NRG1: variants seen among roughly 807,000 people sequenced by gnomAD.
NRG1 encodes neuregulin 1, also known as pro-neuregulin-1, membrane-bound isoform.
A neutral mutation model predicts 63.8 loss-of-function variants in NRG1; 18 were observed. The ratio of observed to expected loss-of-function variants is 0.28; its 90% confidence interval spans 0.19 to 0.42. NRG1 has a LOEUF of 0.42. NRG1 is among the 10% of genes least tolerant of loss of function. The pLI is 1.00. For missense variants in NRG1, 762 were observed against 814.7 expected (o/e 0.94, Z 0.79); for synonymous variants, 302 against 301.3 (o/e 1.00, Z -0.02).
intron 6 of NRG1, among the ~76,000 whole-genome samples, chr8:32,736,929 A>G (rs1196592847): frequency 6.6e-6 from 1 of 152,230 alleles, no homozygotes; most frequent in African/African-American, 2.4e-5. Context: ...CAATTGGAAT[A>G]TAAAAAATAC....
At chr8:32,270,514 T>C (rs1188630080) in intron 1 of NRG1, among the ~76,000 whole-genome samples, 2 of 152,246 alleles carry the variant, frequency 1.3e-5, no homozygotes, top group East Asian at 3.8e-4. Flanking sequence ...CAAATTTACA[T>C]GGGTACTTGT....
chr8:32,268,686 G>A (rs1388994943), intron 1 of NRG1, among the ~76,000 whole-genome samples: 3 of 152,120 alleles, frequency 2.0e-5, no homozygotes, highest in Non-Finnish European at 2.9e-5. Context: ...TCTCTATGAG[G>A]CAGTTCCTTA....
At chr8:32,043,598 A>T (rs1174376185) in intron 1 of NRG1, among the ~76,000 whole-genome samples, 1 of 151,966 alleles carries the variant, frequency 6.6e-6, no homozygotes, top group Non-Finnish European at 1.5e-5. Context: ...CAAAAATATG[A>T]CATTGGCTGA....
chr8:32,177,330 G>C (rs1021299599), intron 1 of NRG1, among the ~76,000 whole-genome samples: 22 of 150,930 alleles, frequency 1.5e-4, no homozygotes, highest in African/African-American at 5.3e-4. Flanking sequence ...GCCTGTTGTG[G>C]GGTGGTGGGA....
intron 1 of NRG1, among the ~76,000 whole-genome samples, chr8:31,901,321 G>A (rs986231783): frequency 6.6e-6 from 1 of 152,150 alleles, no homozygotes; most frequent in East Asian, 1.9e-4. Flanking sequence ...TGGGGTCATT[G>A]CTGAGGAAAA....
intron 1 of NRG1, among the ~76,000 whole-genome samples, chr8:32,473,933 C>T (rs1824160224): frequency 6.6e-6 from 1 of 152,142 alleles, no homozygotes; most frequent in Admixed American, 6.5e-5. Context: ...AATCCTCCCA[C>T]CTCAGCTTCC....
At chr8:32,267,149 GAGAA>G (rs1293876884) in intron 1 of NRG1, among the ~76,000 whole-genome samples, 2 of 148,810 alleles carry the variant, frequency 1.3e-5, no homozygotes, top group Admixed American at 1.4e-4. Flanking sequence ...AGGAAGGAAG[GAGAA>G]AGAAGGAAGG....
At chr8:31,989,100 T>G (rs999275425) in intron 1 of NRG1, among the ~76,000 whole-genome samples, 2 of 150,228 alleles carry the variant, frequency 1.3e-5, no homozygotes, top group African/African-American at 4.9e-5. Flanking sequence ...AATACAAAAA[T>G]TAGCTGGACA....
intron 1 of NRG1, among the ~76,000 whole-genome samples, chr8:32,014,408 T>C (rs576140213): frequency 2.6e-4 from 40 of 152,288 alleles, no homozygotes; most frequent in Middle Eastern, 6.8e-3. Context: ...TTTTGTATCC[T>C]GAGACTTTGC....
chr8:31,838,549 G>C (rs538699420), intron 1 of NRG1, among the ~76,000 whole-genome samples: 16 of 152,212 alleles, frequency 1.1e-4, no homozygotes, highest in Non-Finnish European at 2.4e-4. Context: ...GAAAAGCATT[G>C]AATCTTTCTA....
intron 1 of NRG1, among the ~76,000 whole-genome samples, chr8:32,517,938 G>T (rs1402533662): frequency 6.6e-6 from 1 of 151,980 alleles, no homozygotes; most frequent in Admixed American, 6.6e-5. Context: ...CTCTAGCAAA[G>T]ATCAAATCTA....
At chr8:32,233,116 T>C (rs1204967364) in intron 1 of NRG1, among the ~76,000 whole-genome samples, 1 of 152,142 alleles carries the variant, frequency 6.6e-6, no homozygotes, top group East Asian at 1.9e-4. Context: ...GTAGTAGTAT[T>C]TTGGAGACAG....
At chr8:31,841,698 T>C (rs146748800) in intron 1 of NRG1, among the ~76,000 whole-genome samples, 54 of 152,298 alleles carry the variant, frequency 3.5e-4, no homozygotes, top group African/African-American at 1.2e-3. Flanking sequence ...TTTACCCCTA[T>C]AACTTCAGGT....
intron 1 of NRG1, among the ~76,000 whole-genome samples, chr8:32,088,010 C>T (rs1356068945): frequency 6.6e-6 from 1 of 152,170 alleles, no homozygotes; most frequent in Non-Finnish European, 1.5e-5. Flanking sequence ...CTATTCCCAC[C>T]CTGCTCTCCA....
intron 1 of NRG1, among the ~76,000 whole-genome samples, chr8:32,048,458 T>C (rs1337235003): frequency 4.8e-4 from 28 of 58,704 alleles, no homozygotes; most frequent in African/African-American, 1.7e-3. Context: ...TATATATATA[T>C]ATATATATAT....
chr8:31,959,205 C>T (rs576963123), intron 1 of NRG1, among the ~76,000 whole-genome samples: 1 of 152,306 alleles, frequency 6.6e-6, no homozygotes, highest in East Asian at 1.9e-4. Flanking sequence ...AGCTCTGTGT[C>T]TTGAAAAGTT....
intron 1 of NRG1, among the ~76,000 whole-genome samples, chr8:32,284,827 G>T (rs1853334913): frequency 6.6e-6 from 1 of 152,160 alleles, no homozygotes; most frequent in South Asian, 2.1e-4. Flanking sequence ...GGGATTACAG[G>T]CATGAGCCAC....
intron 1 of NRG1, among the ~76,000 whole-genome samples, chr8:32,383,265 T>C (rs1406123352): frequency 6.6e-6 from 1 of 152,076 alleles, no homozygotes; most frequent in Admixed American, 6.6e-5. Flanking sequence ...AGTAAACCTT[T>C]CTTTCCTTTC....
intron 1 of NRG1, among the ~76,000 whole-genome samples, chr8:31,791,324 G>A (rs934669471): frequency 3.3e-5 from 5 of 151,978 alleles, no homozygotes; most frequent in African/African-American, 4.8e-5. Context: ...TTGTAAGGAC[G>A]TAGTACCTAG....
Sources: allele counts gnomAD v4.1 joint callset (sites outside exome capture counted in the v4.1 genomes callset), GRCh38; gene constraint gnomAD v4.1.1; transcripts MANE v1.5; gene names NCBI Gene and HGNC (gene_info 2026-07-23, HGNC 2026-07-21).